ABCC1: variants seen among roughly 807,000 people sequenced by gnomAD.
ABCC1 encodes ATP binding cassette subfamily C member 1 (ABCC1 blood group).
In ABCC1, 83 loss-of-function variants were observed where a neutral mutation model predicts 172.9. That is an observed-to-expected ratio of 0.48 (90% CI 0.40 to 0.58). The LOEUF (loss-of-function observed/expected upper bound fraction) is 0.58. Ranked by LOEUF, ABCC1 falls within the 20% of genes least tolerant of loss-of-function variation. ABCC1 has a pLI of 0.00. For missense variants in ABCC1, 1,817 were observed against 2,002.7 expected, an observed-to-expected ratio of 0.91 and a Z score of 1.77; for synonymous variants, 937 against 825.2, an observed-to-expected ratio of 1.14 and a Z score of -2.32.
At chr16:16,126,956 A>G (rs1438634530) in intron 26 of ABCC1, among the ~76,000 whole-genome samples, 1 of 152,128 alleles carries the variant, frequency 6.6e-6, no homozygotes, top group Non-Finnish European at 1.5e-5. Context: ...ACAACAGCTG[A>G]TCCAAGGTCC....
At chr16:15,997,093 C>CT (rs34024385) in intron 1 of ABCC1, among the ~76,000 whole-genome samples, 92,552 of 137,084 alleles carry the variant, frequency 0.68, 32,172 homozygotes, top group South Asian at 0.78. Context: ...TGCGCTTTCT[C>CT]TTTTTTTTTT....
chr16:16,118,790 G>T (rs2045020589), intron 23 of ABCC1, among the ~76,000 whole-genome samples: 1 of 150,346 alleles, frequency 6.7e-6, no homozygotes, highest in Non-Finnish European at 1.5e-5. Flanking sequence ...GTCTTTTTAA[G>T]GGTTGAGATT....
At chr16:16,035,591 A>AGC (rs565750315) in intron 6 of ABCC1, among the ~76,000 whole-genome samples, 1 of 150,796 alleles carries the variant, frequency 6.6e-6, no homozygotes, top group East Asian at 2.0e-4. Context: ...CCTGGCCTTG[A>AGC]GCAATCCTGC....
intron 2 of ABCC1, among the ~76,000 whole-genome samples, chr16:16,009,157 C>T (rs1044685586): frequency 2.0e-5 from 3 of 151,990 alleles, no homozygotes; most frequent in African/African-American, 7.2e-5. Context: ...CAGGGTCTCG[C>T]CTTGTTGCCC....
intron 17 of ABCC1, among the ~76,000 whole-genome samples, chr16:16,086,309 G>C (rs2051003588): frequency 6.6e-6 from 1 of 152,170 alleles, no homozygotes; most frequent in Non-Finnish European, 1.5e-5. Flanking sequence ...CCCATCCTTG[G>C]TGGTGGTGGA....
At chr16:16,137,883 G>T (rs963723358) in intron 29 of ABCC1, among the ~76,000 whole-genome samples, 4 of 150,106 alleles carry the variant, frequency 2.7e-5, no homozygotes, top group Middle Eastern at 3.2e-3. Context: ...TTTTTTTTAA[G>T]AGACAGTGTC....
At chr16:15,954,172 C>T (rs2045937615) in intron 1 of ABCC1, among the ~76,000 whole-genome samples, 1 of 151,946 alleles carries the variant, frequency 6.6e-6, no homozygotes, top group Non-Finnish European at 1.5e-5. Flanking sequence ...CCATGCCTGG[C>T]TAAGTTTTGT....
At chr16:16,132,943 C>T (rs1009633530) in intron 27 of ABCC1, among the ~76,000 whole-genome samples, 2 of 152,184 alleles carry the variant, frequency 1.3e-5, no homozygotes, top group Non-Finnish European at 1.5e-5. Context: ...CCTCCCCCGC[C>T]TGGCTCTTTC....
chr16:16,037,952 A>C (rs73517936), intron 7 of ABCC1, among the ~76,000 whole-genome samples: 3,946 of 152,250 alleles, frequency 0.026, 165 homozygotes, highest in African/African-American at 0.09. Context: ...ATTGTAAGGA[A>C]ATGGCCCATG....
In ABCC1 at chr16:16,138,354, TC is replaced by T; in HGVS notation, c.4293-8del. Reference sequence around the variant, plus strand: ...CAACACTATCTCCTGGTTTTTTTCTTCCGGTCAAGTGTCGGGCAGCGCCAGC... The same window carrying T: ...CAACACTATCTCCTGGTTTTTTTCTTCGGTCAAGTGTCGGGCAGCGCCAGC... On this transcript the variant is annotated splice_polypyrimidine_tract_variant and intron_variant, in intron 29 of 30. Transcript: ENST00000399410. 2.5e-6 allele frequency: 4 copies of T among 1,570,000 alleles called. No individual in the cohort carries two copies. The highest frequency in any genetic ancestry group is 3.5e-6 in the Non-Finnish European group (4 of 1,147,928).
intron 1 of ABCC1, among the ~76,000 whole-genome samples, chr16:15,991,596 G>A (rs914633221): frequency 6.6e-6 from 1 of 151,824 alleles, no homozygotes; most frequent in South Asian, 2.1e-4. Flanking sequence ...GTGGATCAGT[G>A]AATGTAGACT....
intron 1 of ABCC1, among the ~76,000 whole-genome samples, chr16:15,984,908 G>A (rs1189091810): frequency 6.6e-6 from 1 of 152,096 alleles, no homozygotes; most frequent in East Asian, 1.9e-4. Flanking sequence ...TTTGAGACCA[G>A]CCTGGGCAAC....
In ABCC1 at chr16:16,016,680, A is replaced by G. The variant is rs942364452; in HGVS notation, c.615+59A>G. ...TGTGTGTGAGAGAGATGCGTGACAC[A>G]GTACCAGCTAACATTTCTTAGATCC... On this transcript the variant is annotated intron_variant, in intron 5 of 30. Transcript: ENST00000399410. 68 of 1,598,818 alleles carry G rather than the reference A, an allele frequency of 4.3e-5. No individual in the cohort carries two copies. The Middle Eastern group carries it at 1.2e-3, about 28-fold the overall frequency.
chr16:16,042,829 CAG>C (rs1167452081), intron 7 of ABCC1, among the ~76,000 whole-genome samples: 1 of 152,112 alleles, frequency 6.6e-6, no homozygotes, highest in African/African-American at 2.4e-5. Flanking sequence ...AGTGTGTTCA[CAG>C]AGTTGTGCAG....
At chr16:16,061,947 T>A (rs2151933717) in intron 12 of ABCC1, among the ~76,000 whole-genome samples, 1 of 152,074 alleles carries the variant, frequency 6.6e-6, no homozygotes, top group African/African-American at 2.4e-5. Flanking sequence ...CTAATTTCTG[T>A]AATTTTGCAG....
intron 2 of ABCC1, 132 bp downstream of exon 2, chr16:16,008,124 A>G: frequency 1.1e-6 from 1 of 941,596 alleles, no homozygotes; most frequent in Non-Finnish European, 1.6e-6. Flanking sequence ...GCAGAAGAAT[A>G]ATGTGGGAGG....
At chr16:16,045,248 A>T (rs2049154679) in intron 8 of ABCC1, among the ~76,000 whole-genome samples, 1 of 151,932 alleles carries the variant, frequency 6.6e-6, no homozygotes, top group Non-Finnish European at 1.5e-5. Flanking sequence ...AAATACAAAA[A>T]TTAGCCGGGC....
chr16:16,079,115 A>G (rs1442491109), intron 15 of ABCC1, among the ~76,000 whole-genome samples: 1 of 152,044 alleles, frequency 6.6e-6, no homozygotes, highest in Non-Finnish European at 1.5e-5. Context: ...TCCCTGCCTC[A>G]CTTCTCTAAG....
At chr16:16,020,126 T>C (rs972209124) in intron 5 of ABCC1, among the ~76,000 whole-genome samples, 1 of 152,192 alleles carries the variant, frequency 6.6e-6, no homozygotes, top group South Asian at 2.1e-4. Context: ...TTCACCGTGT[T>C]GGCCAGGATG....
Sources: allele counts gnomAD v4.1 joint callset (sites outside exome capture counted in the v4.1 genomes callset), GRCh38; gene constraint gnomAD v4.1.1; transcripts MANE v1.5; gene names NCBI Gene and HGNC (gene_info 2026-07-23, HGNC 2026-07-21).